ANO7: variants seen among roughly 807,000 people sequenced by gnomAD.
ANO7 encodes the protein anoctamin-7.
A neutral mutation model predicts 115.8 loss-of-function variants in ANO7; 114 were observed. That is an observed-to-expected ratio of 0.98 (90% confidence interval 0.85 to 1.15). The LOEUF is 1.15. Ranked by LOEUF, ANO7 falls within the 50% of genes most tolerant of loss-of-function variation. The pLI, the probability that ANO7 is intolerant of heterozygous loss-of-function variation, is 0.00. For missense variants in ANO7, 1,302 were observed against 1,201.2 expected (o/e 1.08, Z -1.24); for synonymous variants, 550 against 498.2 (o/e 1.10, Z -1.38).
At chr2:241,235,199 G>A in the ANO7 span, 2 of 1,614,216 alleles carry the variant, frequency 1.2e-6, no homozygotes, top group Non-Finnish European at 1.7e-6. Flanking sequence ...TTGCAGCGAG[G>A]CCCGTGATGG....
intron 4 of ANO7, among the ~76,000 whole-genome samples, chr2:241,197,548 G>A (rs1050891881): frequency 2.6e-5 from 4 of 151,858 alleles, no homozygotes; most frequent in Admixed American, 2.0e-4. Context: ...CACCATGCCC[G>A]GCTAATTTTT....
chr2:241,199,540 C>T, intron 5 of ANO7, 117 bp downstream of exon 5: 1 of 982,606 alleles, frequency 1.0e-6, no homozygotes, highest in Non-Finnish European at 1.5e-6. Context: ...CTCAGGGGCT[C>T]CTCCTACCCA....
Position 241,209,364 on chromosome 2 carries a change from A to C in ANO7, c.1157A>C (p.Tyr386Ser). 6.3e-7 allele frequency: 1 copy of C among 1,581,806 alleles called. No homozygotes were observed. Among genetic ancestry groups the C allele is most frequent in the East Asian group, 2.3e-5 (1 of 42,884 alleles). ...MALWAVLLLEYWKRKSATLAY... is the reference protein window; with the variant it reads ...MALWAVLLLESWKRKSATLAY... ...CTGTGGGCCGTGCTGCTGCTGGAGTACTGGAAGCGGAAGAGCGCCACGCTG... is the reference window on the plus strand; with the variant it reads ...CTGTGGGCCGTGCTGCTGCTGGAGTCCTGGAAGCGGAAGAGCGCCACGCTG... The change falls in exon 12 of 25, where the codon TAC (tyrosine) becomes TCC (serine). Residue 386 changes from tyrosine (Y) to serine (S), a missense_variant. Physicochemically the swap from Tyr to Ser is moderately radical, Grantham distance 144 (BLOSUM62 -2). Coordinates refer to ENST00000674324, the MANE Select transcript of ANO7 (RefSeq NM_001370694.2).
chr2:241,229,400 A>G (rs530682380), downstream of ANO7: 5 of 530,718 alleles, frequency 9.4e-6, no homozygotes, highest in East Asian at 1.3e-4. Flanking sequence ...TAAACAGTGG[A>G]GCAGGTCCTG....
At chr2:241,210,601 C>A (rs375456089) in intron 15 of ANO7, 31 bp downstream of exon 15, 3 of 1,592,046 alleles carry the variant, frequency 1.9e-6, no homozygotes, top group East Asian at 4.5e-5. Context: ...CAGGCACTGA[C>A]CAGGGGCCCA....
intron 19 of ANO7, 27 bp downstream of exon 19, chr2:241,216,265 A>G (rs1431242855): frequency 2.6e-6 from 4 of 1,547,514 alleles, no homozygotes; most frequent in Non-Finnish European, 3.5e-6. Flanking sequence ...AGCTGCGGCA[A>G]TGGCTGGCGC....
Position 241,209,620 on chromosome 2 carries a change from G to A in ANO7, c.1344G>A (p.Val448=), listed in dbSNP as rs1373897525. ...CGCGCCGCATGCTGGCCGGCTCTGT[G>A]GTGATCGTGGTGATGGTATGCGGTC... The part of the protein sequence containing the change: ...SRARRMLAGS[V]VIVVMVAVVV... The change falls in exon 13 of 25, where the codon GTG becomes GTA. Residue 448 remains valine (V), a synonymous_variant. Transcript: ENST00000674324. The A allele has an allele frequency of 1.3e-6, 2 of 1,564,716 alleles. No homozygotes were observed. The highest frequency in any genetic ancestry group is 2.4e-5 in the South Asian group (2 of 83,736).
At chr2:241,199,941 GGGCCCT>G in intron 5 of ANO7, 142 bp from the exon 6 acceptor site, 2 of 865,500 alleles carry the variant, frequency 2.3e-6, no homozygotes, top group Non-Finnish European at 3.5e-6. Context: ...GGGCTCACCT[GGGCCCT>G]CACAGGGTCT....
At chr2:241,208,913 G>T (rs1163797121) in intron 11 of ANO7, among the ~76,000 whole-genome samples, 1 of 152,166 alleles carries the variant, frequency 6.6e-6, no homozygotes, top group East Asian at 1.9e-4. Flanking sequence ...ACTTTGGGAG[G>T]CCAAGGCGGG....
At chr2:241,238,779 C>A in the ANO7 span, 1 of 1,506,832 alleles carries the variant, frequency 6.6e-7, no homozygotes, top group Non-Finnish European at 9.0e-7. This position sits in a 1 kb window ranked among gnomAD's most constrained non-coding sequence, Gnocchi z 4.9. Context: ...CTAATGTCAC[C>A]TGAGCTTCCT....
chr2:241,239,964 G>A, the ANO7 span: 1 of 1,614,222 alleles, frequency 6.2e-7, no homozygotes, highest in Non-Finnish European at 8.5e-7. This position sits in a 1 kb window ranked among gnomAD's most constrained non-coding sequence, Gnocchi z 4.6. Flanking sequence ...CCTTTCCAAT[G>A]ATGGTGATCA....
rs1179928529 is a variant in ANO7, at chr2:241,188,853, G to A, written c.-8+87G>A. 1.3e-6 allele frequency: 2 copies of A among 1,510,720 alleles called. No individual in the cohort carries two copies. Among genetic ancestry groups the A allele is most frequent in the Non-Finnish European group, 1.8e-6 (2 of 1,123,086 alleles). The allele number at this position is 1,510,720 out of a possible 1,614,324, so 93.6% of individuals were successfully genotyped here. On this transcript the variant is annotated intron_variant, in intron 1 of 24. Transcript: ENST00000674324. This position sits in a 1 kb window ranked among gnomAD's most constrained non-coding sequence, Gnocchi z 4.3. The stretch of plus-strand genomic sequence containing the variant: ...GGCAGGGCGGCACCCCAGCCCACCG[G>A]GACTTTCACACACCCTGGCCTGTGG...
At chr2:241,237,059 A>G in the ANO7 span, among the ~76,000 whole-genome samples, 1 of 151,390 alleles carries the variant, frequency 6.6e-6, no homozygotes, top group East Asian at 1.9e-4. Flanking sequence ...TTGAAGATGA[A>G]GCTAACAGCA....
chr2:241,218,569 G>A (rs1048004901), intron 21 of ANO7, among the ~76,000 whole-genome samples, 188 bp downstream of exon 21: 2 of 152,160 alleles, frequency 1.3e-5, no homozygotes, highest in South Asian at 4.1e-4. Context: ...GGTAAGGGAC[G>A]GAGCTTTGCG....
At chr2:241,191,132 G>A in intron 2 of ANO7, 62 bp from the exon 3 acceptor site, 1 of 1,585,882 alleles carries the variant, frequency 6.3e-7, no homozygotes, top group Non-Finnish European at 8.6e-7. Flanking sequence ...GGGCGGGGTG[G>A]GTGTAGTTGT....
intron 21 of ANO7, among the ~76,000 whole-genome samples, chr2:241,221,048 A>T (rs1022822421): frequency 1.2e-4 from 18 of 151,764 alleles, no homozygotes; most frequent in Middle Eastern, 3.2e-3. Context: ...AGAAAATGAT[A>T]TTTTTATTTT....
At chr2:241,198,091 A>C (rs373230076) in intron 4 of ANO7, among the ~76,000 whole-genome samples, 27 of 152,108 alleles carry the variant, frequency 1.8e-4, no homozygotes, top group African/African-American at 5.8e-4. Flanking sequence ...GGTTGGTTTT[A>C]ACCTGCTGTG....
At position 241,209,484 on chromosome 2, in the gene ANO7, C is replaced by A. The variant is rs200691356; in HGVS notation, c.1222-14C>A. The stretch of plus-strand genomic sequence containing the variant: ...CCCGGCGAGGGCCGCCACTGAGCAC[C>A]GGCTCCCTTCCAGGAGAGGCCTCGG... On this transcript the variant is annotated splice_polypyrimidine_tract_variant and intron_variant, in intron 12 of 24. Transcript: ENST00000674324. 1 of 1,597,882 alleles carries A rather than the reference C, an allele frequency of 6.3e-7. No homozygotes were observed. Among genetic ancestry groups the A allele is most frequent in the East Asian group, 2.2e-5 (1 of 44,556 alleles).
At chr2:241,196,615 G>C (rs1252742837) in intron 4 of ANO7, among the ~76,000 whole-genome samples, 1 of 152,250 alleles carries the variant, frequency 6.6e-6, no homozygotes, top group Admixed American at 6.5e-5. Flanking sequence ...ATACAGCCTG[G>C]CTTTGTCTGT....
Sources: allele counts gnomAD v4.1 joint callset (sites outside exome capture counted in the v4.1 genomes callset), GRCh38; gene constraint gnomAD v4.1.1; non-coding constraint Gnocchi (gnomAD v3.1); transcripts MANE v1.5; gene names NCBI Gene and HGNC (gene_info 2026-07-23, HGNC 2026-07-21).